ANGPTL1: variants seen among roughly 807,000 people sequenced by gnomAD.
ANGPTL1 encodes angiopoietin like 1, also known as angiopoietin-related protein 1.
Under a neutral mutation model 46.7 loss-of-function variants are expected in ANGPTL1, and 36 were observed. The observed-to-expected ratio is 0.77, with a 90% CI of 0.59 to 1.02. The LOEUF is 1.02. ANGPTL1 is among the 50% of genes least tolerant of loss of function. ANGPTL1 has a pLI of 0.00. For missense variants in ANGPTL1, 571 were observed against 594.7 expected (o/e 0.96, Z 0.41); for synonymous variants, 221 against 204.3 (o/e 1.08, Z -0.69).
intron 5 of ANGPTL1, among the ~76,000 whole-genome samples, chr1:178,851,570 T>C (rs1167313074): frequency 6.6e-6 from 1 of 152,102 alleles, no homozygotes; most frequent in Non-Finnish European, 1.5e-5. Context: ...TTTAATTTTC[T>C]AGTTAGCAGA....
At chr1:178,856,202 G>GATATATATAT (rs55797277) in intron 3 of ANGPTL1, among the ~76,000 whole-genome samples, 96 of 83,880 alleles carry the variant, frequency 1.1e-3, no homozygotes, top group African/African-American at 4.8e-3. Flanking sequence ...GAGAGAGAGA[G>GATATATATAT]ATATATATAT....
In ANGPTL1 at chr1:178,851,248, C is replaced by G. The variant is rs899444504; in HGVS notation, c.1357G>C (p.Val453Leu). The G allele has an allele frequency of 1.9e-6, 3 of 1,613,976 alleles. No homozygotes were observed. The highest frequency in any genetic ancestry group is 2.5e-6 in the Non-Finnish European group (3 of 1,179,900). Residue 453 changes from valine to leucine, a missense_variant, in exon 6 of 6, where the codon GTA becomes CTA. Transcript: ENST00000234816. ...NACAHSNLNGVWYRGGHYRSK... is the reference protein window; with the variant it reads ...NACAHSNLNGLWYRGGHYRSK... ...CTGTAATGGCCTCCTCTGTACCATA[C>G]TCCATTTAGGTTAGAATGTGCACAG... is the stretch of plus-strand genomic sequence containing the variant.
At position 178,850,534 on chromosome 1, in the gene ANGPTL1, A is replaced by T. The variant is rs1239551429; in HGVS notation, c.*595T>A. ...TTTTTTATTTTTAAAAATGATATGT[A>T]TTTAATACTATGGGTCATGTTTTGG... On this transcript the variant is annotated 3_prime_UTR_variant, in exon 6 of 6. Transcript: ENST00000234816. 6.6e-6 allele frequency: 1 copy of T among 152,056 alleles called. No homozygotes were observed. Among genetic ancestry groups the T allele is most frequent in the Non-Finnish European group, 1.5e-5 (1 of 67,998 alleles). 9.4% of individuals were successfully genotyped at this position (152,056 alleles called of 1,614,324 possible).
intron 3 of ANGPTL1, among the ~76,000 whole-genome samples, chr1:178,854,018 ATT>A (rs1657364447): frequency 1.3e-5 from 2 of 151,884 alleles, no homozygotes; most frequent in Admixed American, 1.3e-4. Flanking sequence ...TATTTTTTAT[ATT>A]GTTATAATCC....
At chr1:178,853,153 A>G in intron 4 of ANGPTL1, 200 bp from the exon 5 acceptor site, 3 of 985,302 alleles carry the variant, frequency 3.0e-6, no homozygotes, top group South Asian at 4.7e-5. Flanking sequence ...TTTGCTTCTG[A>G]TATGTCAGTA....
In ANGPTL1 at chr1:178,861,493, A is replaced by G. The variant is rs7530484; in HGVS notation, c.823+3461T>C. Among the ~76,000 whole-genome samples, 506 of 152,020 alleles carry G rather than the reference A, an allele frequency of 3.3e-3. 3 individuals are homozygous for G. Among genetic ancestry groups the G allele is most frequent in the African/African-American group, 0.012 (498 of 41,490 alleles). Reference sequence around the variant, plus strand: ...ATGCTAAGTGTATAATAAAACATAGAATTGGTATGTTTCATTTTGTATAAA... The same window carrying G: ...ATGCTAAGTGTATAATAAAACATAGGATTGGTATGTTTCATTTTGTATAAA... On this transcript the variant is annotated intron_variant, in intron 3 of 5. Transcript: ENST00000234816.
At chr1:178,863,862 A>G (rs1170107619) in intron 3 of ANGPTL1, among the ~76,000 whole-genome samples, 1 of 152,222 alleles carries the variant, frequency 6.6e-6, no homozygotes, top group Non-Finnish European at 1.5e-5. Context: ...TGACAGAGAG[A>G]TGAAACCACT....
In ANGPTL1 at chr1:178,850,879, A is replaced by G. The variant is rs1657127106; in HGVS notation, c.*250T>C. 6.2e-6 allele frequency: 2 copies of G among 324,938 alleles called. No homozygotes were observed. The highest frequency in any genetic ancestry group is 9.4e-5 in the Admixed American group (2 of 21,166). The allele number at this position is 324,938 out of a possible 1,614,324, so 20.1% of individuals were successfully genotyped here. ...ATTGTGGCAAATATTTACATTTTAG[A>G]AAACAAACTTTGTATTTAGTCAACA... On this transcript the variant is annotated 3_prime_UTR_variant, in exon 6 of 6. Coordinates refer to ENST00000234816, the MANE Select transcript of ANGPTL1 (RefSeq NM_004673.4).
Position 178,852,936 on chromosome 1 carries a change from A to C in ANGPTL1, c.1035T>G (p.Ile345Met). 1.2e-6 allele frequency: 2 copies of C among 1,611,564 alleles called. No homozygotes were observed. The highest frequency in any genetic ancestry group is 1.7e-6 in the Non-Finnish European group (2 of 1,178,844). Residue 345 changes from isoleucine to methionine, a missense_variant, in exon 5 of 6, where the codon ATT becomes ATG. By Grantham distance (10) the Ile-to-Met change is conservative. Coordinates refer to ENST00000234816, the MANE Select transcript of ANGPTL1 (RefSeq NM_004673.4). Reference protein sequence around the residue: ...WENYKKGFGNIDGEYWLGLEN... With the variant: ...WENYKKGFGNMDGEYWLGLEN... ...CCAGTCCAAGCCAGTATTCTCCGTC[A>C]ATGTTTCCAAACCCTTTCTGTTAAT...
rs186079157 is a variant in ANGPTL1 at position 178,864,813 on chromosome 1, G to C, written c.823+141C>G. The C allele has an allele frequency of 8.4e-4, 419 of 496,384 alleles. 3 individuals carry two copies. The highest frequency in any genetic ancestry group is 7.8e-3 in the African/African-American group (392 of 50,300). 30.7% of individuals were successfully genotyped at this position (496,384 alleles called of 1,614,324 possible). On this transcript the variant is annotated intron_variant, in intron 3 of 5. Coordinates refer to ENST00000234816, the MANE Select transcript of ANGPTL1 (RefSeq NM_004673.4). ...GGAGATGTATTTAAGTTCAATTCTT[G>C]ATATTAATAAAAAACAATAGAAATT...
intron 2 of ANGPTL1, among the ~76,000 whole-genome samples, chr1:178,867,841 A>G (rs1411863206): frequency 1.3e-5 from 2 of 151,746 alleles, no homozygotes; most frequent in African/African-American, 4.8e-5. Context: ...GGTCATGTCA[A>G]TGAAATATAA....
intron 3 of ANGPTL1, among the ~76,000 whole-genome samples, chr1:178,856,420 T>G (rs947934370): frequency 1.4e-4 from 17 of 120,562 alleles, no homozygotes; most frequent in African/African-American, 5.9e-4. Flanking sequence ...TTTTTTTTTT[T>G]TTTTTTGAGA....
rs116003224 is a variant in ANGPTL1, at chr1:178,869,626, T to C, written c.-136-403A>G. 6.1e-3 allele frequency among the ~76,000 whole-genome samples: 926 copies of C among 152,198 alleles called. 9 individuals are homozygous for C. Among genetic ancestry groups the C allele is most frequent in the African/African-American group, 0.021 (885 of 41,544 alleles). Reference sequence around the variant, plus strand: ...AATTTTGTTAGAATTTCTTGTAAAATATGTGTTTAACAGAAATCCTGCCAG... The same window carrying C: ...AATTTTGTTAGAATTTCTTGTAAAACATGTGTTTAACAGAAATCCTGCCAG... On this transcript the variant is annotated intron_variant, in intron 1 of 5. Transcript: ENST00000234816.
In ANGPTL1 at chr1:178,849,598, T is replaced by A. The variant is rs996464673; in HGVS notation, c.*1531A>T. Reference sequence around the variant, plus strand: ...TTTGGTGTAACAGTTAGATGCCCAGTTCCTTCCAGGAATCTTATAACAGAT... The same window carrying A: ...TTTGGTGTAACAGTTAGATGCCCAGATCCTTCCAGGAATCTTATAACAGAT... On this transcript the variant is annotated 3_prime_UTR_variant, in exon 6 of 6. Transcript: ENST00000234816. The A allele has an allele frequency of 1.3e-5, 2 of 152,056 alleles. No homozygotes were observed. The highest frequency in any genetic ancestry group is 4.8e-5 in the African/African-American group (2 of 41,354). 9.4% of individuals were successfully genotyped at this position (152,056 alleles called of 1,614,324 possible). A position where few individuals can be genotyped will look rare whatever the true frequency, so the allele number is the denominator to read the frequency against.
intron 5 of ANGPTL1, among the ~76,000 whole-genome samples, chr1:178,851,867 G>A (rs1657196290): frequency 6.6e-6 from 1 of 152,154 alleles, no homozygotes; most frequent in South Asian, 2.1e-4. Flanking sequence ...GTTTGGGACA[G>A]GGATGGGGGA....
At chr1:178,856,202 G>GATATATATATATATATATATAT (rs55797277) in intron 3 of ANGPTL1, among the ~76,000 whole-genome samples, 26 of 83,898 alleles carry the variant, frequency 3.1e-4, no homozygotes, top group African/African-American at 1.3e-3. Context: ...GAGAGAGAGA[G>GATATATATATATATATATATAT]ATATATATAT....
chr1:178,865,823 G>T (rs1243394397), intron 2 of ANGPTL1, 21 bp from the exon 3 acceptor site: 1 of 1,437,400 alleles, frequency 7.0e-7, no homozygotes, highest in East Asian at 2.3e-5. Flanking sequence ...ACAAATCAGT[G>T]AAGGAGAAAA....
intron 4 of ANGPTL1, 164 bp from the exon 5 acceptor site, chr1:178,853,117 G>A (rs901017521): frequency 5.2e-5 from 51 of 985,216 alleles, no homozygotes; most frequent in Non-Finnish European, 5.8e-5. Flanking sequence ...GCCACACATT[G>A]TCATTCTCTT....
chr1:178,856,196 GAGAGAGAT>G (rs1404686101), intron 3 of ANGPTL1, among the ~76,000 whole-genome samples: 97 of 41,042 alleles, frequency 2.4e-3, no homozygotes, highest in African/African-American at 9.4e-3. Context: ...TTTCCAGAGA[GAGAGAGAT>G]ATATATATAT....
Sources: gnomAD v4.1 joint callset for allele counts (sites outside exome capture counted in the v4.1 genomes callset) on GRCh38, gnomAD v4.1.1 for gene constraint, MANE v1.5 for transcripts, NCBI Gene and HGNC (gene_info 2026-07-23, HGNC 2026-07-21) for gene names.